The following SIAE variants were observed in gnomAD, a reference collection of about 807,000 sequenced individuals.
SIAE encodes sialic acid acetylesterase.
SIAE carries 39 observed loss-of-function variants against 52.6 expected under a neutral mutation model. The ratio of observed to expected loss-of-function variants is 0.74; its 90% CI spans 0.57 to 0.97. SIAE has a LOEUF of 0.97. Among genes scored for constraint, SIAE ranks in the 50% least tolerant of loss-of-function variants. The probability of loss-of-function intolerance (pLI) is 0.00; values close to 1 mark genes in which losing one functional copy is unlikely to be tolerated. For missense variants in SIAE, 592 were observed against 662.1 expected (o/e 0.89, Z 1.16); for synonymous variants, 233 against 241.4 (o/e 0.97, Z 0.32).
intron 6 of SIAE, 62 bp downstream of exon 6, chr11:124,648,004 G>A (rs1049763284): frequency 1.6e-6 from 2 of 1,218,922 alleles, no homozygotes; most frequent in Non-Finnish European, 1.2e-6. Flanking sequence ...ACGTTCTAGG[G>A]TGCTGTGTTA....
At chr11:124,637,665 G>T (rs1157330379) in intron 9 of SIAE, among the ~76,000 whole-genome samples, 1 of 152,198 alleles carries the variant, frequency 6.6e-6, no homozygotes, top group African/African-American at 2.4e-5. Context: ...CCAGAAATGG[G>T]AATACAAATT....
At chr11:124,673,499 T>C in intron 1 of SIAE, 143 bp downstream of exon 1, 1 of 937,038 alleles carries the variant, frequency 1.1e-6, no homozygotes. Flanking sequence ...CGGGCCTCGG[T>C]CGGAGACGCG....
intron 7 of SIAE, among the ~76,000 whole-genome samples, chr11:124,640,843 C>G (rs1942832930): frequency 6.6e-6 from 1 of 152,236 alleles, no homozygotes; most frequent in Admixed American, 6.5e-5. Flanking sequence ...CTCATTTGCA[C>G]TGCTGCTATC....
rs1322318433 is a variant in SIAE, at chr11:124,648,315, T to C, written c.723-140A>G. 5 of 689,018 alleles carry C rather than the reference T, an allele frequency of 7.3e-6. No homozygotes were observed. In the African/African-American group the frequency reaches 8.8e-5, roughly 12 times the overall value. 42.7% of individuals were successfully genotyped at this position (689,018 alleles called of 1,614,324 possible). A position where few individuals can be genotyped will look rare whatever the true frequency, so the allele number is the denominator to read the frequency against. ...CAGAATTAAAATTGAATCGAAACTC[T>C]TTTTCTTGAAAACATATGAATATTC... On this transcript the variant is annotated intron_variant, in intron 5 of 9. Coordinates refer to ENST00000263593, the MANE Select transcript of SIAE (RefSeq NM_170601.5).
chr11:124,637,158 A>T lies in SIAE; in HGVS notation c.1365T>A (p.Ser455=), dbSNP rs372062245. 1.0e-4 allele frequency: 166 copies of T among 1,614,096 alleles called. 4 individuals are homozygous for T. The South Asian group carries it at 1.7e-3, about 17-fold the overall frequency. Reference sequence around the variant, plus strand: ...GGGACTGGGTGGAGACGGTGTTCATAGAAGCTGGAAGCCACTTGCATCGAT... The same window carrying T: ...GGGACTGGGTGGAGACGGTGTTCATTGAAGCTGGAAGCCACTTGCATCGAT... The part of the protein sequence containing the change: ...SDHRCKWLPA[S]MNTVSTQSLT... The change falls in exon 10 of 10, where the codon TCT becomes TCA. Residue 455 remains serine (S), a synonymous_variant. Transcript: ENST00000263593.
At chr11:124,660,940 A>G (rs1384456033) in intron 2 of SIAE, 137 bp from the exon 3 acceptor site, 5 of 909,084 alleles carry the variant, frequency 5.5e-6, no homozygotes, top group Admixed American at 1.9e-5. Flanking sequence ...CAAATTTCAG[A>G]TAAGAGGATA....
At position 124,636,390 on chromosome 11, in the gene SIAE, C is replaced by CTT. The variant is rs1159039979; in HGVS notation, c.*559_*560dup. 3 of 156,552 alleles carry CTT rather than the reference C, an allele frequency of 1.9e-5. No homozygotes were observed. Among genetic ancestry groups the CTT allele is most frequent in the East Asian group, 1.9e-4 (1 of 5,342 alleles). 9.7% of individuals were successfully genotyped at this position (156,552 alleles called of 1,614,324 possible). A position where few individuals can be genotyped will look rare whatever the true frequency, so the allele number is the denominator to read the frequency against. On this transcript the variant is annotated 3_prime_UTR_variant, in exon 10 of 10. Transcript: ENST00000263593. ...GATTTCGGTTCCACATAAGGAAAAA[C>CTT]TTGGAAAGTTTTGAATGGAAAGTTC...
Position 124,660,650 on chromosome 11 carries a change from T to C in SIAE, c.383A>G (p.Asn128Ser). 1 of 1,614,166 alleles carries C rather than the reference T, an allele frequency of 6.2e-7. No homozygotes were observed. The highest frequency in any genetic ancestry group is 1.1e-5 in the South Asian group (1 of 91,082). ...GDVWLCSGQS[N>S]MQMTVLQIFN... ...TACCTGTAACACAGTCATCTGCATG[T>C]TACTCTGCCCACTACAGAGCCAGAC... Residue 128 changes from asparagine to serine, a missense_variant, in exon 3 of 10, where the codon AAC (asparagine) becomes AGC (serine). Physicochemically the swap from Asn to Ser is conservative, Grantham distance 46 (BLOSUM62 1). Coordinates refer to ENST00000263593, the MANE Select transcript of SIAE (RefSeq NM_170601.5).
intron 7 of SIAE, among the ~76,000 whole-genome samples, chr11:124,642,646 G>A (rs1430224602): frequency 1.3e-5 from 2 of 152,232 alleles, no homozygotes; most frequent in Non-Finnish European, 2.9e-5. Flanking sequence ...TCTCCTCTTT[G>A]TGGTAGGGGG....
intron 1 of SIAE, among the ~76,000 whole-genome samples, chr11:124,671,628 T>C (rs1161460545): frequency 1.3e-5 from 2 of 152,148 alleles, no homozygotes; most frequent in African/African-American, 4.8e-5. Context: ...AAATTCTAAG[T>C]TCATTAGAGT....
At chr11:124,641,248 G>A (rs1942840863) in intron 7 of SIAE, among the ~76,000 whole-genome samples, 1 of 152,208 alleles carries the variant, frequency 6.6e-6, no homozygotes, top group Non-Finnish European at 1.5e-5. Context: ...ATAGGAAAAC[G>A]TGGTCTCAGA....
In SIAE at chr11:124,647,482, A is replaced by C; in HGVS notation, c.849T>G (p.Asn283Lys). The change falls in exon 7 of 10, where the codon AAT (asparagine) becomes AAG (lysine). Residue 283 changes from asparagine to lysine, a missense_variant. Physicochemically the swap from Asn to Lys is moderately conservative, Grantham distance 94. Transcript: ENST00000263593. ...VVWYQGESNI[N>K]YNTDLYNCTF... ...TGCAATTGTACAGATCCGTGTTATAATTTATATTGGACTCCCCTAAAAACA... is the reference window on the plus strand; with the variant it reads ...TGCAATTGTACAGATCCGTGTTATACTTTATATTGGACTCCCCTAAAAACA... 3.1e-6 allele frequency: 5 copies of C among 1,614,114 alleles called. No homozygotes were observed. The highest frequency in any genetic ancestry group is 4.2e-6 in the Non-Finnish European group (5 of 1,180,028).
At chr11:124,662,112 T>C (rs539220520) in intron 2 of SIAE, among the ~76,000 whole-genome samples, 1 of 152,386 alleles carries the variant, frequency 6.6e-6, no homozygotes, top group South Asian at 2.1e-4. Flanking sequence ...CTAAGCTTGC[T>C]ACTCCCATCC....
chr11:124,650,387 G>A (rs567575433), intron 4 of SIAE, among the ~76,000 whole-genome samples: 1 of 152,202 alleles, frequency 6.6e-6, no homozygotes, highest in African/African-American at 2.4e-5. Flanking sequence ...TTCCCACTTA[G>A]CTCTGTGGAA....
chr11:124,656,395 C>G (rs181590483), intron 3 of SIAE, among the ~76,000 whole-genome samples: 1 of 152,286 alleles, frequency 6.6e-6, no homozygotes, highest in East Asian at 1.9e-4. Context: ...GGCATGGAGA[C>G]TAGAAAGGTG....
chr11:124,667,532 C>T (rs775916959), intron 2 of SIAE, among the ~76,000 whole-genome samples: 8 of 152,212 alleles, frequency 5.3e-5, no homozygotes, highest in Non-Finnish European at 1.0e-4. Flanking sequence ...ATTGGATCAT[C>T]AGTTTTGTAT....
At chr11:124,641,526 C>A (rs1262941597) in intron 7 of SIAE, among the ~76,000 whole-genome samples, 2 of 152,206 alleles carry the variant, frequency 1.3e-5, no homozygotes, top group African/African-American at 4.8e-5. Context: ...CGTGAATGTG[C>A]TAACGTGCTA....
At chr11:124,638,092 TAA>T (rs1942781801) in intron 9 of SIAE, among the ~76,000 whole-genome samples, 1 of 152,188 alleles carries the variant, frequency 6.6e-6, no homozygotes, top group South Asian at 2.1e-4. Flanking sequence ...ATTGTCACAC[TAA>T]GTTACAAATA....
At chr11:124,662,507 T>G (rs1398293022) in intron 2 of SIAE, among the ~76,000 whole-genome samples, 1 of 152,224 alleles carries the variant, frequency 6.6e-6, no homozygotes, top group Admixed American at 6.5e-5. Context: ...TCACTGCTAT[T>G]AACTGGGTAT....
Sources: gnomAD v4.1 joint callset for allele counts (sites outside exome capture counted in the v4.1 genomes callset) on GRCh38, gnomAD v4.1.1 for gene constraint, MANE v1.5 for transcripts, NCBI Gene and HGNC (gene_info 2026-07-23, HGNC 2026-07-21) for gene names.